CDH4: variants seen among roughly 807,000 people sequenced by gnomAD.
CDH4 encodes the protein cadherin 4.
A neutral mutation model predicts 86.0 loss-of-function variants in CDH4; 33 were observed. The ratio of observed to expected loss-of-function variants is 0.38; its 90% CI spans 0.29 to 0.51. The LOEUF is 0.51. CDH4 is among the 20% of genes least tolerant of loss of function. The pLI is 0.86. For missense variants in CDH4, 1,114 were observed against 1,307.4 expected (o/e 0.85, Z 2.28); for synonymous variants, 555 against 549.4 (o/e 1.01, Z -0.14).
At chr20:61,643,457 G>A (rs1039295413) in intron 2 of CDH4, among the ~76,000 whole-genome samples, 2 of 152,202 alleles carry the variant, frequency 1.3e-5, no homozygotes, top group Non-Finnish European at 2.9e-5. Context: ...CTGGGGATTA[G>A]GGCAAGGCCA....
At chr20:61,383,126 A>C (rs1010470146) in intron 2 of CDH4, among the ~76,000 whole-genome samples, 4 of 80,896 alleles carry the variant, frequency 4.9e-5, no homozygotes, top group Non-Finnish European at 7.5e-5. Flanking sequence ...AATATATATG[A>C]ATATATTATA....
At chr20:61,870,757 G>A (rs76041466) in intron 6 of CDH4, among the ~76,000 whole-genome samples, 1,789 of 152,190 alleles carry the variant, frequency 0.012, 23 homozygotes, top group South Asian at 0.061. Context: ...CTGCCCTTTC[G>A]TAGAGATGGG....
intron 2 of CDH4, among the ~76,000 whole-genome samples, chr20:61,301,487 G>A (rs998042263): frequency 1.3e-5 from 2 of 152,256 alleles, no homozygotes; most frequent in Non-Finnish European, 2.9e-5. Context: ...TCGATGCTTC[G>A]CGAGGCCTCT....
At chr20:61,767,197 C>G (rs1358514601) in intron 3 of CDH4, among the ~76,000 whole-genome samples, 1 of 152,212 alleles carries the variant, frequency 6.6e-6, no homozygotes, top group Non-Finnish European at 1.5e-5. Context: ...CATGAGCATG[C>G]AGGAGACAGG....
At chr20:61,705,879 A>G (rs1225363195) in intron 2 of CDH4, among the ~76,000 whole-genome samples, 1 of 152,232 alleles carries the variant, frequency 6.6e-6, no homozygotes, top group African/African-American at 2.4e-5. Flanking sequence ...CTAGCAGACA[A>G]ATCAAATACC....
chr20:61,336,901 A>G lies in CDH4; in HGVS notation c.169+81964A>G, dbSNP rs559786656. Among the ~76,000 whole-genome samples, 7 of 152,288 alleles carry G rather than the reference A, an allele frequency of 4.6e-5. No individual in the cohort carries two copies. In the South Asian group the frequency reaches 1.5e-3, roughly 32 times the overall value. On this transcript the variant is annotated intron_variant, in intron 2 of 15. Coordinates refer to ENST00000614565, the MANE Select transcript of CDH4 (RefSeq NM_001794.5). ...CACATCCCAGTCTCTCTCAGGGGAA[A>G]GCAATGACTGGGGAGTGAAGACAGG...
At chr20:61,465,178 A>T (rs1237598796) in intron 2 of CDH4, among the ~76,000 whole-genome samples, 1 of 152,230 alleles carries the variant, frequency 6.6e-6, no homozygotes, top group Non-Finnish European at 1.5e-5. Flanking sequence ...CAAGGAAGGG[A>T]TCTGCCAGAG....
intron 2 of CDH4, among the ~76,000 whole-genome samples, chr20:61,508,432 C>T (rs553990431): frequency 5.3e-5 from 8 of 152,306 alleles, no homozygotes; most frequent in East Asian, 3.9e-4. Flanking sequence ...AAGACTGTTG[C>T]GGTCGGCCCT....
chr20:61,478,583 C>T (rs1438460783), intron 2 of CDH4, among the ~76,000 whole-genome samples: 1 of 152,134 alleles, frequency 6.6e-6, no homozygotes, highest in Non-Finnish European at 1.5e-5. Context: ...ACCTCTAGGG[C>T]ATTTATGAGT....
chr20:61,499,588 C>A, intron 2 of CDH4: 1 of 1,157,034 alleles, frequency 8.6e-7, no homozygotes, highest in Non-Finnish European at 1.1e-6. Context: ...CCTGAGGTCA[C>A]ACAGGGAGGA....
intron 2 of CDH4, among the ~76,000 whole-genome samples, chr20:61,375,937 G>GTTTGTTGATGGTAGCGTGATGTTCT: frequency 8.3e-5 from 1 of 12,036 alleles, no homozygotes; most frequent in South Asian, 2.7e-3. Flanking sequence ...GGTGATGATG[G>GTTTGTTGATGGTAGCGTGATGTTCT]TGGTGCTGGT....
intron 3 of CDH4, among the ~76,000 whole-genome samples, chr20:61,771,862 C>A (rs61101570): frequency 0.02 from 3,068 of 152,262 alleles, 99 homozygotes; most frequent in African/African-American, 0.07. Flanking sequence ...CCAAAGTAAA[C>A]ATCTGTCTAT....
At chr20:61,714,023 T>TTGTGTTATGTTATGTTATG (rs1555828915) in intron 2 of CDH4, among the ~76,000 whole-genome samples, 2 of 123,912 alleles carry the variant, frequency 1.6e-5, no homozygotes, top group South Asian at 6.1e-4. Flanking sequence ...CTATTCTTTT[T>TTGTGTTATGTTATGTTATG]TTATTTTATT....
intron 2 of CDH4, among the ~76,000 whole-genome samples, chr20:61,690,734 C>T (rs1344890042): frequency 2.0e-5 from 3 of 152,108 alleles, no homozygotes; most frequent in African/African-American, 7.2e-5. Context: ...GGAGAGTGTC[C>T]ACCTCTCCTC....
intron 4 of CDH4, among the ~76,000 whole-genome samples, chr20:61,779,388 T>C (rs1376533761): frequency 2.0e-5 from 3 of 152,142 alleles, no homozygotes; most frequent in Non-Finnish European, 4.4e-5. Context: ...GACAAGGCTC[T>C]GGAGGGAGGT....
chr20:61,616,847 C>T (rs1042845790), intron 2 of CDH4, among the ~76,000 whole-genome samples: 1 of 152,170 alleles, frequency 6.6e-6, no homozygotes, highest in Admixed American at 6.5e-5. Flanking sequence ...TGGCCTTGGC[C>T]CAGCACGTAG....
At chr20:61,594,557 G>A (rs898880103) in intron 2 of CDH4, among the ~76,000 whole-genome samples, 4 of 152,218 alleles carry the variant, frequency 2.6e-5, no homozygotes, top group African/African-American at 9.7e-5. Context: ...GGTGAGTGGG[G>A]CAGCTCAGTG....
At chr20:61,621,595 G>A (rs543937752) in intron 2 of CDH4, among the ~76,000 whole-genome samples, 19 of 152,270 alleles carry the variant, frequency 1.2e-4, no homozygotes, top group Middle Eastern at 6.8e-3. Flanking sequence ...TGGCTCGTAC[G>A]AATTGGCAGA....
chr20:61,268,353 A>C (rs2084167723), intron 2 of CDH4, among the ~76,000 whole-genome samples: 1 of 152,242 alleles, frequency 6.6e-6, no homozygotes, highest in South Asian at 2.1e-4. Context: ...CCAGGAGGCA[A>C]AGCCAGGCAG....
Sources: gnomAD v4.1 joint callset for allele counts (sites outside exome capture counted in the v4.1 genomes callset) on GRCh38, gnomAD v4.1.1 for gene constraint, MANE v1.5 for transcripts, NCBI Gene and HGNC (gene_info 2026-07-23, HGNC 2026-07-21) for gene names.